ZFHX4: variants seen among roughly 807,000 people sequenced by gnomAD.
ZFHX4 encodes zinc finger homeobox 4.
ZFHX4 carries 56 observed loss-of-function variants against 267.6 expected under a neutral mutation model. The ratio of observed to expected loss-of-function variants is 0.21; its 90% CI spans 0.17 to 0.26. ZFHX4 has a LOEUF of 0.26. Among genes scored for constraint, ZFHX4 ranks in the 10% least tolerant of loss-of-function variants. The pLI is 1.00. For synonymous variants in ZFHX4, 1,778 were observed against 1,665.6 expected, an observed-to-expected ratio of 1.07 and a Z score of -1.64; for missense variants, 4,332 against 4,420.0, an observed-to-expected ratio of 0.98 and a Z score of 0.56.
intron 1 of ZFHX4, among the ~76,000 whole-genome samples, chr8:76,701,841 G>T (rs1808114392): frequency 6.6e-6 from 1 of 152,058 alleles, no homozygotes. Context: ...TGCCTAGCAG[G>T]TTACCCTATC....
intron 4 of ZFHX4, among the ~76,000 whole-genome samples, chr8:76,820,271 A>G (rs1226539447): frequency 1.3e-5 from 2 of 152,194 alleles, no homozygotes; most frequent in South Asian, 2.1e-4. Context: ...TATTTTTTTC[A>G]GATTACCGTA....
intron 5 of ZFHX4, among the ~76,000 whole-genome samples, chr8:76,836,654 G>A (rs1228483673): frequency 6.6e-6 from 1 of 151,994 alleles, no homozygotes; most frequent in Admixed American, 6.6e-5. Flanking sequence ...GTAGGCAAGG[G>A]CTTAATTGTT....
chr8:76,703,912 C>T (rs1306526947), intron 1 of ZFHX4, 131 bp from the exon 2 acceptor site: 1 of 660,542 alleles, frequency 1.5e-6, no homozygotes, highest in Non-Finnish European at 2.5e-6. Flanking sequence ...GATAGGCACG[C>T]CGGTTTTAAG....
intron 4 of ZFHX4, among the ~76,000 whole-genome samples, chr8:76,809,205 G>T (rs552604066): frequency 6.6e-6 from 1 of 152,046 alleles, no homozygotes; most frequent in South Asian, 2.1e-4. Context: ...TAATATATTG[G>T]CAATACTGCT....
At chr8:76,813,704 C>A (rs1052255593) in intron 4 of ZFHX4, among the ~76,000 whole-genome samples, 1 of 151,562 alleles carries the variant, frequency 6.6e-6, no homozygotes, top group African/African-American at 2.4e-5. Context: ...AATGGATGTT[C>A]TCCTGGTAAT....
At chr8:76,710,704 G>A (rs564279572) in intron 3 of ZFHX4, among the ~76,000 whole-genome samples, 70 of 152,214 alleles carry the variant, frequency 4.6e-4, no homozygotes, top group African/African-American at 1.0e-3. Context: ...TCTTGTTATT[G>A]ACAACATATT....
chr8:76,803,175 T>G (rs1008379732), intron 4 of ZFHX4, among the ~76,000 whole-genome samples: 20 of 152,080 alleles, frequency 1.3e-4, no homozygotes, highest in African/African-American at 4.3e-4. Flanking sequence ...CAAGGGAAAT[T>G]CCTCTGTCTA....
chr8:76,844,295 A>G (rs1190462402), intron 6 of ZFHX4, among the ~76,000 whole-genome samples: 1 of 152,154 alleles, frequency 6.6e-6, no homozygotes, highest in Non-Finnish European at 1.5e-5. Context: ...TAGTAGTACC[A>G]AAACAGATTG....
At chr8:76,738,409 G>T (rs577131352) in intron 3 of ZFHX4, among the ~76,000 whole-genome samples, 2 of 152,118 alleles carry the variant, frequency 1.3e-5, no homozygotes, top group Non-Finnish European at 2.9e-5. Context: ...AGCAAGTTCA[G>T]GTTGCCTAAG....
intron 3 of ZFHX4, among the ~76,000 whole-genome samples, chr8:76,762,193 T>TA (rs1809932522): frequency 6.6e-6 from 1 of 152,076 alleles, no homozygotes. Flanking sequence ...GACACCCAAT[T>TA]ATATTCTAGG....
At chr8:76,838,814 G>A (rs1214710035) in intron 5 of ZFHX4, among the ~76,000 whole-genome samples, 1 of 152,150 alleles carries the variant, frequency 6.6e-6, no homozygotes, top group East Asian at 1.9e-4. Flanking sequence ...CCAGCACTTT[G>A]AAAGGCTGAG....
rs1491207313 is a variant in ZFHX4, at chr8:76,708,144, AAG to A, written c.3093+100_3093+101del. The A allele has an allele frequency of 5.5e-3, 8,408 of 1,518,042 alleles. 38 individuals carry two copies. Among genetic ancestry groups the A allele is most frequent in the Middle Eastern group, 0.023 (131 of 5,810 alleles). 94.0% of individuals were successfully genotyped at this position (1,518,042 alleles called of 1,614,324 possible). A position where few individuals can be genotyped will look rare whatever the true frequency, so the allele number is the denominator to read the frequency against. On this transcript the variant is annotated intron_variant, in intron 3 of 10. Transcript: ENST00000651372. Reference sequence around the variant, plus strand: ...CAAGTCTCCAACTTAAGGAAAAAAAAAGAGAAAAAACATCAAAGGGCAGGGGG... The same window carrying A: ...CAAGTCTCCAACTTAAGGAAAAAAAAAGAAAAAACATCAAAGGGCAGGGGG...
chr8:76,832,299 A>G (rs796266418), intron 4 of ZFHX4, among the ~76,000 whole-genome samples: 7 of 152,240 alleles, frequency 4.6e-5, no homozygotes, highest in African/African-American at 1.7e-4. Context: ...TAAAGACTAT[A>G]TCATGTTACA....
At chr8:76,689,000 G>A (rs191378362) in intron 1 of ZFHX4, among the ~76,000 whole-genome samples, 6 of 152,178 alleles carry the variant, frequency 3.9e-5, no homozygotes, top group African/African-American at 1.4e-4. Context: ...CTTGAGTACA[G>A]CATATTGTAA....
chr8:76,732,197 A>C (rs1809033766), intron 3 of ZFHX4, among the ~76,000 whole-genome samples: 1 of 152,112 alleles, frequency 6.6e-6, no homozygotes, highest in Admixed American at 6.6e-5. Flanking sequence ...AAATTCTCAG[A>C]TGCAATATTT....
chr8:76,806,501 G>A (rs886082451), intron 4 of ZFHX4, among the ~76,000 whole-genome samples: 1 of 152,090 alleles, frequency 6.6e-6, no homozygotes, highest in African/African-American at 2.4e-5. Context: ...TGTAAATCTG[G>A]CTGAGGTAAT....
chr8:76,858,936 C>T (rs1046963125), intron 10 of ZFHX4, among the ~76,000 whole-genome samples: 1 of 152,144 alleles, frequency 6.6e-6, no homozygotes, highest in Non-Finnish European at 1.5e-5. Flanking sequence ...TGTCCCATCC[C>T]TTTGAAAGTA....
intron 3 of ZFHX4, among the ~76,000 whole-genome samples, chr8:76,755,059 C>A (rs987703762): frequency 3.3e-5 from 5 of 152,158 alleles, no homozygotes; most frequent in African/African-American, 1.2e-4. Context: ...TCTATTAAAT[C>A]TTTTCTAATA....
Position 76,853,086 on chromosome 8 carries a change from C to T in ZFHX4, c.6165C>T (p.Pro2055=). 42 of 1,405,912 alleles carry T rather than the reference C, an allele frequency of 3.0e-5. No individual in the cohort carries two copies. Among genetic ancestry groups the T allele is most frequent in the Non-Finnish European group, 3.9e-5 (40 of 1,024,006 alleles). 87.1% of individuals were successfully genotyped at this position (1,405,912 alleles called of 1,614,324 possible). A position where few individuals can be genotyped will look rare whatever the true frequency, so the allele number is the denominator to read the frequency against. Residue 2055 remains proline (P), a synonymous_variant, in exon 10 of 11, where the codon CCC becomes CCT. Transcript: ENST00000651372. ...PPPPPPPPPP[P]PPPPPPSAPP... is the part of the protein sequence containing the mutation. ...CACCTCCTCCTCCTCCTCCTCCTCCCCCCCCACCTCCTCCACCTTCTGCTC... is the reference window on the plus strand; with the variant it reads ...CACCTCCTCCTCCTCCTCCTCCTCCTCCCCCACCTCCTCCACCTTCTGCTC...
Sources: allele counts gnomAD v4.1 joint callset (sites outside exome capture counted in the v4.1 genomes callset), GRCh38; gene constraint gnomAD v4.1.1; transcripts MANE v1.5; gene names NCBI Gene and HGNC (gene_info 2026-07-23, HGNC 2026-07-21).